Variants in ARID4B observed in about 807,000 individuals in gnomAD.
ARID4B encodes AT-rich interaction domain 4B.
Under a neutral mutation model 147.5 loss-of-function variants are expected in ARID4B, and 26 were observed. The observed-to-expected ratio is 0.18, with a 90% CI of 0.13 to 0.24. The LOEUF is 0.24. ARID4B is among the 10% of genes least tolerant of loss of function. ARID4B has a pLI of 1.00. For missense variants in ARID4B, 1,179 were observed against 1,511.5 expected (o/e 0.78, Z 3.65); for synonymous variants, 512 against 507.9 (o/e 1.01, Z -0.11).
At chr1:235,227,558 AT>A (rs1667905692) in intron 11 of ARID4B, among the ~76,000 whole-genome samples, 1 of 152,218 alleles carries the variant, frequency 6.6e-6, no homozygotes, top group African/African-American at 2.4e-5. Context: ...TACTAAACAC[AT>A]TAAATACATT....
chr1:235,324,873 G>A (rs1397783815), intron 2 of ARID4B, among the ~76,000 whole-genome samples: 1 of 152,140 alleles, frequency 6.6e-6, no homozygotes, highest in African/African-American at 2.4e-5. Context: ...GTTACAGATC[G>A]TGCCAGCCAG....
intron 2 of ARID4B, among the ~76,000 whole-genome samples, chr1:235,304,730 T>C (rs575389410): frequency 4.9e-4 from 75 of 152,298 alleles, no homozygotes; most frequent in African/African-American, 1.6e-3. Flanking sequence ...AGTGGTTACC[T>C]TGGAGACTAC....
At chr1:235,259,256 T>C (rs1670158443) in intron 3 of ARID4B, among the ~76,000 whole-genome samples, 1 of 152,252 alleles carries the variant, frequency 6.6e-6, no homozygotes, top group Non-Finnish European at 1.5e-5. Flanking sequence ...CCTAGTTCAT[T>C]CATTACACAG....
chr1:235,291,431 A>T (rs1672330190), intron 2 of ARID4B, among the ~76,000 whole-genome samples: 1 of 151,864 alleles, frequency 6.6e-6, no homozygotes, highest in East Asian at 1.9e-4. Context: ...ATAAATAAAT[A>T]AATAAAATAA....
At chr1:235,190,872 T>C (rs190117699) in intron 19 of ARID4B, among the ~76,000 whole-genome samples, 3 of 152,252 alleles carry the variant, frequency 2.0e-5, no homozygotes, top group East Asian at 1.9e-4. Flanking sequence ...GCAACAGATA[T>C]AGAGGGAAAC....
intron 19 of ARID4B, among the ~76,000 whole-genome samples, chr1:235,183,848 A>T (rs1664492532): frequency 6.6e-6 from 1 of 151,370 alleles, no homozygotes. Flanking sequence ...CCCAGGCACT[A>T]TCATGGCTCA....
chr1:235,267,859 G>A (rs369881693), intron 2 of ARID4B, among the ~76,000 whole-genome samples: 1 of 151,638 alleles, frequency 6.6e-6, no homozygotes, highest in Non-Finnish European at 1.5e-5. Flanking sequence ...AGCCGAGATC[G>A]AGTCACTGCA....
chr1:235,195,919 TG>T, intron 18 of ARID4B, 111 bp downstream of exon 18: 1 of 679,390 alleles, frequency 1.5e-6, no homozygotes, highest in Non-Finnish European at 2.6e-6. Context: ...ATCTAGCATT[TG>T]AAAAATGTGC....
chr1:235,255,219 C>CTATATATATATATATAGAGAGAGAGA (rs370660682), intron 5 of ARID4B, among the ~76,000 whole-genome samples: 18 of 127,564 alleles, frequency 1.4e-4, no homozygotes, highest in African/African-American at 5.2e-4. Context: ...CTGCTGGGAG[C>CTATATATATATATATAGAGAGAGAGA]TAGATAGATA....
intron 16 of ARID4B, among the ~76,000 whole-genome samples, chr1:235,217,218 A>G (rs1667149364): frequency 6.6e-6 from 1 of 152,204 alleles, no homozygotes; most frequent in Admixed American, 6.5e-5. Context: ...AGTATAAAGA[A>G]AAAAACAACA....
chr1:235,229,663 T>C (rs1230502882), intron 10 of ARID4B, among the ~76,000 whole-genome samples: 1 of 152,230 alleles, frequency 6.6e-6, no homozygotes. Flanking sequence ...GTTTTATTCT[T>C]TTAAACAAAG....
At chr1:235,324,166 C>T (rs1181149939) in intron 2 of ARID4B, among the ~76,000 whole-genome samples, 2 of 152,116 alleles carry the variant, frequency 1.3e-5, no homozygotes, top group African/African-American at 4.8e-5. Context: ...CTCGGCCTCC[C>T]AAAGTGCTGT....
chr1:235,219,504 A>T (rs1257429585), intron 16 of ARID4B, among the ~76,000 whole-genome samples: 1 of 152,204 alleles, frequency 6.6e-6, no homozygotes, highest in Non-Finnish European at 1.5e-5. Context: ...CCCCAAGTTT[A>T]TATTATCAAG....
chr1:235,193,191 GCT>G (rs1211306381), intron 19 of ARID4B, among the ~76,000 whole-genome samples: 1 of 152,100 alleles, frequency 6.6e-6, no homozygotes, highest in Non-Finnish European at 1.5e-5. Context: ...GAGCCTAGGA[GCT>G]CGAGACGAGC....
chr1:235,243,709 C>T (rs149938109), intron 7 of ARID4B, among the ~76,000 whole-genome samples: 1,551 of 152,176 alleles, frequency 0.01, 25 homozygotes, highest in African/African-American at 0.032. Flanking sequence ...CTTTGACATG[C>T]AATTCTGATT....
At chr1:235,255,522 A>G (rs1464478262) in intron 5 of ARID4B, 138 bp downstream of exon 5, 2 of 545,018 alleles carry the variant, frequency 3.7e-6, no homozygotes, top group African/African-American at 3.9e-5. Context: ...TTTTTAAAAG[A>G]TGTGGAAAGA....
intron 19 of ARID4B, 107 bp downstream of exon 19, chr1:235,193,906 T>G: frequency 1.3e-6 from 1 of 777,002 alleles, no homozygotes; most frequent in East Asian, 2.5e-5. Flanking sequence ...CAAACAAAAC[T>G]CTGGTAGAAA....
intron 17 of ARID4B, among the ~76,000 whole-genome samples, chr1:235,203,184 C>T (rs752849450): frequency 5.9e-5 from 9 of 152,184 alleles, no homozygotes; most frequent in Admixed American, 1.3e-4. Context: ...GCTCTCACCA[C>T]AGAAAAATTG....
intron 2 of ARID4B, among the ~76,000 whole-genome samples, chr1:235,289,038 A>C (rs367635227): frequency 1.3e-5 from 2 of 152,224 alleles, no homozygotes; most frequent in African/African-American, 4.8e-5. Flanking sequence ...AAAAACACAC[A>C]ACCCTGGCCC....
Sources: gnomAD v4.1 joint callset for allele counts (sites outside exome capture counted in the v4.1 genomes callset) on GRCh38, gnomAD v4.1.1 for gene constraint, MANE v1.5 for transcripts, NCBI Gene and HGNC (gene_info 2026-07-23, HGNC 2026-07-21) for gene names.